The following ZNF516 variants were observed in gnomAD, a reference collection of about 807,000 sequenced individuals.
ZNF516 encodes zinc finger protein 516.
A neutral mutation model predicts 79.7 loss-of-function variants in ZNF516; 19 were observed. That is an observed-to-expected ratio of 0.24 (90% CI 0.17 to 0.35). The LOEUF is 0.35. Among genes scored for constraint, ZNF516 ranks in the 10% least tolerant of loss-of-function variants. The pLI, the probability that ZNF516 is intolerant of heterozygous loss-of-function variation, is 1.00. For synonymous variants in ZNF516, 877 were observed against 739.5 expected (o/e 1.19, Z -3.02); for missense variants, 1,678 against 1,679.5 (o/e 1.00, Z 0.02).
chr18:76,462,384 C>T (rs1913172406), intron 2 of ZNF516, among the ~76,000 whole-genome samples: 2 of 152,254 alleles, frequency 1.3e-5, no homozygotes, highest in Non-Finnish European at 2.9e-5. Flanking sequence ...TACAGTCCAA[C>T]ACAGGCACTC....
At chr18:76,470,245 C>T (rs1476953283) in intron 1 of ZNF516, among the ~76,000 whole-genome samples, 2 of 152,174 alleles carry the variant, frequency 1.3e-5, no homozygotes, top group African/African-American at 4.8e-5. Context: ...TGCAGTTTCC[C>T]TTTGCTTGGC....
At chr18:76,363,965 C>G (rs1006157166) in intron 6 of ZNF516, among the ~76,000 whole-genome samples, 2 of 152,160 alleles carry the variant, frequency 1.3e-5, no homozygotes, top group African/African-American at 4.8e-5. Flanking sequence ...GGACAGCACC[C>G]CCAGGGCACA....
chr18:76,386,548 T>C (rs540635133), intron 3 of ZNF516: 1 of 152,284 alleles, frequency 6.6e-6, no homozygotes, highest in African/African-American at 2.4e-5. Flanking sequence ...GAAAGCTTGA[T>C]GCTTTTTTTA....
rs867178140 is a variant in ZNF516, at chr18:76,392,768, G to C, written c.1811-12465C>G. 2.2e-4 allele frequency among the ~76,000 whole-genome samples: 14 copies of C among 64,674 alleles called. 1 individual carries two copies. The highest frequency in any genetic ancestry group is 4.8e-4 in the African/African-American group (4 of 8,316). The allele number at this position is 64,674 out of a possible 152,430, so 42.4% of individuals were successfully genotyped here. On this transcript the variant is annotated intron_variant, in intron 3 of 6. Transcript: ENST00000443185. ...AGGTGGATGGGAAGGCAGGTGACCA[G>C]GTGGGGGAAAGGTGGATGGGAAGGC...
At chr18:76,369,493 AT>A (rs2074668178) in intron 6 of ZNF516, among the ~76,000 whole-genome samples, 1 of 152,198 alleles carries the variant, frequency 6.6e-6, no homozygotes, top group Non-Finnish European at 1.5e-5. Context: ...TCAATCACTA[AT>A]TAGCAGTGGG....
chr18:76,442,497 C>G lies in ZNF516; in HGVS notation c.558G>C (p.Lys186Asn), dbSNP rs1911749995. ...GGTGCACGTGCAGCTCCAGGTCCTTCTTACGCTCGAACTGGCTCTTGCAGA... is the reference window on the plus strand; with the variant it reads ...GGTGCACGTGCAGCTCCAGGTCCTTGTTACGCTCGAACTGGCTCTTGCAGA... Reference protein sequence around the residue: ...CSFCKSQFERKKDLELHVHQA... With the variant: ...CSFCKSQFERNKDLELHVHQA... Residue 186 changes from lysine to asparagine, a missense_variant, in exon 3 of 7, where the codon AAG becomes AAC. By Grantham distance (94) the Lys-to-Asn change is moderately conservative. Transcript: ENST00000443185. 1 of 1,602,412 alleles carries G rather than the reference C, an allele frequency of 6.2e-7. No homozygotes were observed. The highest frequency in any genetic ancestry group is 1.1e-5 in the South Asian group (1 of 91,086).
intron 6 of ZNF516, among the ~76,000 whole-genome samples, chr18:76,365,759 G>A (rs922391460): frequency 6.6e-6 from 1 of 152,186 alleles, no homozygotes; most frequent in Admixed American, 6.5e-5. Flanking sequence ...CCACAAGAGC[G>A]GATGCCCTCA....
intron 3 of ZNF516, among the ~76,000 whole-genome samples, chr18:76,381,439 A>G (rs1231052959): frequency 6.6e-6 from 1 of 152,162 alleles, no homozygotes; most frequent in Non-Finnish European, 1.5e-5. Flanking sequence ...TAAGGCCCCA[A>G]GTTCTTGGTT....
At position 76,442,191 on chromosome 18, in the gene ZNF516, G is replaced by T; in HGVS notation, c.864C>A (p.Pro288=). The change falls in exon 3 of 7, where the codon CCC becomes CCA. Residue 288 remains proline (P), a synonymous_variant. Coordinates refer to ENST00000443185, the MANE Select transcript of ZNF516 (RefSeq NM_014643.4). The part of the protein sequence containing the change: ...CHICGRRFKE[P]WFLKNHMKAH... ...CCTTCATGTGGTTCTTGAGGAACCAGGGCTCCTTGAACCTACGGCCGCAGA... is the reference window on the plus strand; with the variant it reads ...CCTTCATGTGGTTCTTGAGGAACCATGGCTCCTTGAACCTACGGCCGCAGA... The T allele has an allele frequency of 3.1e-6, 5 of 1,613,926 alleles. No homozygotes were observed. Among genetic ancestry groups the T allele is most frequent in the Non-Finnish European group, 4.2e-6 (5 of 1,179,890 alleles).
At chr18:76,443,512 G>A (rs1419479250) in intron 2 of ZNF516, among the ~76,000 whole-genome samples, 1 of 152,206 alleles carries the variant, frequency 6.6e-6, no homozygotes, top group African/African-American at 2.4e-5. Flanking sequence ...TAGTACCAGA[G>A]TGTGTAGGAG....
chr18:76,369,902 C>A (rs1042671665), intron 6 of ZNF516, among the ~76,000 whole-genome samples: 2 of 152,190 alleles, frequency 1.3e-5, no homozygotes, highest in African/African-American at 4.8e-5. Context: ...AGACCCGCTG[C>A]GGGCTGTGGG....
intron 3 of ZNF516, among the ~76,000 whole-genome samples, chr18:76,405,393 T>C (rs542488594): frequency 2.6e-5 from 4 of 152,128 alleles, no homozygotes; most frequent in East Asian, 3.9e-4. Flanking sequence ...GCTACCCGCA[T>C]AGGACAGGAC....
intron 2 of ZNF516, among the ~76,000 whole-genome samples, chr18:76,452,915 T>C (rs947849224): frequency 4.3e-4 from 65 of 152,332 alleles, no homozygotes; most frequent in African/African-American, 1.5e-3. Flanking sequence ...AAGATAGTTC[T>C]AGAGACTTTT....
intron 1 of ZNF516, among the ~76,000 whole-genome samples, chr18:76,480,007 T>C (rs1273113196): frequency 2.0e-5 from 3 of 152,122 alleles, no homozygotes; most frequent in African/African-American, 7.2e-5. Context: ...GGAACCTGCC[T>C]GGAGATTTCT....
chr18:76,491,540 CG>C (rs1915212036), intron 1 of ZNF516: 1 of 125,022 alleles, frequency 8.0e-6, no homozygotes, highest in Non-Finnish European at 1.9e-5. Context: ...CTCCACATGA[CG>C]GGGGCGGGGG....
At chr18:76,427,992 CAT>C (rs1167894155) in intron 3 of ZNF516, among the ~76,000 whole-genome samples, 2 of 152,178 alleles carry the variant, frequency 1.3e-5, no homozygotes, top group Admixed American at 6.5e-5. Context: ...CACACACACT[CAT>C]AAGCTTTTGG....
At chr18:76,460,572 G>A (rs1005621614) in intron 2 of ZNF516, among the ~76,000 whole-genome samples, 4 of 151,946 alleles carry the variant, frequency 2.6e-5, no homozygotes, top group African/African-American at 7.3e-5. Context: ...CTGGCAAGTC[G>A]GCCACTGACC....
intron 3 of ZNF516, among the ~76,000 whole-genome samples, chr18:76,412,934 G>A (rs182630521): frequency 5.3e-5 from 8 of 152,248 alleles, no homozygotes; most frequent in East Asian, 1.9e-4. Context: ...TAACCTACCC[G>A]GAACCTACCA....
At position 76,379,737 on chromosome 18, in the gene ZNF516, G is replaced by T. The variant is rs555653351; in HGVS notation, c.2377C>A (p.Pro793Thr). 11 of 1,613,876 alleles carry T rather than the reference G, an allele frequency of 6.8e-6. No individual in the cohort carries two copies. The South Asian group carries it at 8.8e-5, about 13-fold the overall frequency. The change falls in exon 4 of 7, where the codon CCG (proline) becomes ACG (threonine). Residue 793 changes from proline (P) to threonine (T), a missense_variant. Around this residue, in one of 5 missense-constraint regions of ZNF516, gnomAD observed 1,294 missense variants for 1,248.3 expected, o/e 1.04. Transcript: ENST00000443185. ...TTGTAACCATTGGGCTGAATCCACG[G>T]GGGAGCCACGGAGTTGCAGCTGACG... The part of the protein sequence containing the change: ...HRVSCNSVAP[P>T]WIQPNGYKSI...
Sources: gnomAD v4.1 joint callset for allele counts (sites outside exome capture counted in the v4.1 genomes callset) on GRCh38, gnomAD v4.1.1 for gene constraint, gnomAD v4.1.1 regional missense constraint, MANE v1.5 for transcripts, NCBI Gene and HGNC (gene_info 2026-07-23, HGNC 2026-07-21) for gene names.